The following TMEM68 variants were observed in gnomAD, a reference collection of about 807,000 sequenced individuals.
TMEM68 encodes transmembrane protein 68.
Under a neutral mutation model 36.9 loss-of-function variants are expected in TMEM68, and 25 were observed. That is an observed-to-expected ratio of 0.68 (90% CI 0.49 to 0.95). TMEM68 has a LOEUF of 0.95. TMEM68 is among the 40% of genes least tolerant of loss of function. The probability of loss-of-function intolerance (pLI) is 0.00; values close to 1 mark genes in which losing one functional copy is unlikely to be tolerated. For synonymous variants in TMEM68, 131 were observed against 124.4 expected (o/e 1.05, Z -0.35); for missense variants, 333 against 392.0 (o/e 0.85, Z 1.27).
intron 5 of TMEM68, chr8:55,746,940 T>C (rs1294192144): frequency 6.6e-6 from 1 of 152,142 alleles, no homozygotes; most frequent in East Asian, 1.9e-4. Context: ...AAACAAACAG[T>C]GAGTAAACAG....
Position 55,762,972 on chromosome 8 carries a change from G to T in TMEM68, c.-13C>A. 1 of 1,563,682 alleles carries T rather than the reference G, an allele frequency of 6.4e-7. No individual in the cohort carries two copies. The highest frequency in any genetic ancestry group is 1.2e-5 in the South Asian group (1 of 83,462). On this transcript the variant is annotated 5_prime_UTR_variant, in exon 3 of 8. Coordinates refer to ENST00000434581, the MANE Select transcript of TMEM68 (RefSeq NM_001286657.2). The stretch of plus-strand genomic sequence containing the variant: ...TTTTGTCTATCATTTTTCTTCAGGT[G>T]AAAATGACAAATTCAGTTTCTTTCT...
intron 5 of TMEM68, among the ~76,000 whole-genome samples, chr8:55,749,792 A>G (rs188587517): frequency 1.3e-5 from 2 of 152,322 alleles, no homozygotes; most frequent in Non-Finnish European, 2.9e-5. Flanking sequence ...TATCAAACTT[A>G]TAAGATTTCT....
intron 3 of TMEM68, chr8:55,761,007 A>T (rs1810773692): frequency 6.6e-6 from 1 of 152,220 alleles, no homozygotes; most frequent in Admixed American, 6.5e-5. Flanking sequence ...GGTTTTACAG[A>T]GTATTTTTTT....
At chr8:55,742,715 ATT>A (rs1439473433) in intron 7 of TMEM68, among the ~76,000 whole-genome samples, 1 of 151,622 alleles carries the variant, frequency 6.6e-6, no homozygotes, top group East Asian at 1.9e-4. Context: ...CATTCATCCC[ATT>A]TTCTAAGTGA....
Position 55,738,908 on chromosome 8 carries a change from A to G in TMEM68, c.*1224T>C, listed in dbSNP as rs933269796. The G allele has an allele frequency of 2.0e-5, 3 of 152,630 alleles. No individual in the cohort carries two copies. Among genetic ancestry groups the G allele is most frequent in the Admixed American group, 6.5e-5 (1 of 15,276 alleles). The allele number at this position is 152,630 out of a possible 1,614,324, so 9.5% of individuals were successfully genotyped here. A position where few individuals can be genotyped will look rare whatever the true frequency, so the allele number is the denominator to read the frequency against. Reference sequence around the variant, plus strand: ...TTTCTGACACTTTTCTGTTTAAATAATACTTAAATTCAGTTTTCAAGAAGA... The same window carrying G: ...TTTCTGACACTTTTCTGTTTAAATAGTACTTAAATTCAGTTTTCAAGAAGA... On this transcript the variant is annotated 3_prime_UTR_variant, in exon 8 of 8. Transcript: ENST00000434581.
chr8:55,752,063 G>T (rs1810439500), intron 4 of TMEM68, among the ~76,000 whole-genome samples: 1 of 152,064 alleles, frequency 6.6e-6, no homozygotes, highest in Non-Finnish European at 1.5e-5. Flanking sequence ...ACAAAAATCA[G>T]CCTGGCATGG....
chr8:55,756,436 A>T, intron 3 of TMEM68, 25 bp from the exon 4 acceptor site: 1 of 1,537,832 alleles, frequency 6.5e-7, no homozygotes, highest in Non-Finnish European at 8.7e-7. Flanking sequence ...AAATGCAAAT[A>T]CTTAAAATAT....
In TMEM68 at chr8:55,751,076, A is replaced by C; in HGVS notation, c.575T>G (p.Leu192Trp). 2 of 1,614,126 alleles carry C rather than the reference A, an allele frequency of 1.2e-6. No individual in the cohort carries two copies. The highest frequency in any genetic ancestry group is 1.7e-6 in the Non-Finnish European group (2 of 1,180,008). ...AACTCCACCTGGTGAGATAGCTAAC[A>C]AGTGGCCACTCCTCAGAATTTCAAC... ...KCVEILRSGH[L>W]LAISPGGVRE... Residue 192 changes from leucine to tryptophan, a missense_variant, in exon 5 of 8, where the codon TTG (leucine) becomes TGG (tryptophan). By Grantham distance (61) the Leu-to-Trp change is moderately conservative (BLOSUM62 -2). Transcript: ENST00000434581.
At chr8:55,741,147 G>A (rs1262419312) in intron 7 of TMEM68, among the ~76,000 whole-genome samples, 14 of 152,052 alleles carry the variant, frequency 9.2e-5, no homozygotes, top group African/African-American at 1.2e-4. Context: ...CAGGAGAATC[G>A]CTTGAACACA....
At chr8:55,758,577 T>C (rs1229279985) in intron 3 of TMEM68, among the ~76,000 whole-genome samples, 1 of 152,176 alleles carries the variant, frequency 6.6e-6, no homozygotes, top group Non-Finnish European at 1.5e-5. Context: ...GAGACTGAGA[T>C]GGTAGGACTT....
intron 1 of TMEM68, chr8:55,772,967 G>T (rs573410067): frequency 6.6e-6 from 1 of 152,444 alleles, no homozygotes; most frequent in Admixed American, 6.5e-5. Context: ...AGGATGAAAC[G>T]CGCCGAACCG....
intron 1 of TMEM68, among the ~76,000 whole-genome samples, chr8:55,767,923 C>A (rs138820553): frequency 8.6e-5 from 13 of 151,624 alleles, no homozygotes; most frequent in Admixed American, 6.6e-4. Flanking sequence ...GCAACAACAG[C>A]GAAACTCAGT....
intron 6 of TMEM68, among the ~76,000 whole-genome samples, 199 bp from the exon 7 acceptor site, chr8:55,743,819 T>C (rs566999286): frequency 6.6e-6 from 1 of 152,256 alleles, no homozygotes; most frequent in African/African-American, 2.4e-5. Context: ...ATATTAATAA[T>C]AGGAGAAACT....
intron 5 of TMEM68, among the ~76,000 whole-genome samples, chr8:55,748,273 C>T (rs1304262107): frequency 2.0e-5 from 3 of 152,120 alleles, no homozygotes; most frequent in South Asian, 4.1e-4. Flanking sequence ...TTTTAAGCAA[C>T]TCTCCTGCCT....
In TMEM68 at chr8:55,756,272, T is replaced by C; in HGVS notation, c.465A>G (p.Val155=). ...GAATTTTAAAGACAAAGTGATCAGC[T>C]ACTACTCGGCAAGTTCTGCCTTTGT... The part of the protein sequence containing the change: ...FIHKGRTCRV[V]ADHFVFKIPG... The change falls in exon 4 of 8, where the codon GTA becomes GTG. Residue 155 remains valine (V), a synonymous_variant. Coordinates refer to ENST00000434581, the MANE Select transcript of TMEM68 (RefSeq NM_001286657.2). 1.2e-6 allele frequency: 2 copies of C among 1,603,326 alleles called. No individual in the cohort carries two copies. Among genetic ancestry groups the C allele is most frequent in the Non-Finnish European group, 1.7e-6 (2 of 1,177,446 alleles).
chr8:55,754,926 T>C (rs1563432575), intron 4 of TMEM68, among the ~76,000 whole-genome samples: 1 of 44,804 alleles, frequency 2.2e-5, no homozygotes, highest in Non-Finnish European at 4.0e-5. Flanking sequence ...TATATTTATA[T>C]ATATTTATAT....
chr8:55,754,464 TATAC>T (rs771560856), intron 4 of TMEM68, among the ~76,000 whole-genome samples: 2,175 of 115,680 alleles, frequency 0.019, 22 homozygotes, highest in South Asian at 0.03. Flanking sequence ...TATATATATA[TATAC>T]ACACACACAC....
chr8:55,760,844 T>C (rs1046678200), intron 3 of TMEM68: 13 of 152,192 alleles, frequency 8.5e-5, no homozygotes, highest in African/African-American at 3.1e-4. Context: ...TTCTTTCCAA[T>C]TACATAATTC....
intron 4 of TMEM68, among the ~76,000 whole-genome samples, chr8:55,755,463 G>T (rs1041753164): frequency 2.0e-5 from 3 of 151,692 alleles, no homozygotes; most frequent in African/African-American, 7.3e-5. Context: ...GTAGAGACGG[G>T]GTTTCACCAT....
Sources: allele counts gnomAD v4.1 joint callset (sites outside exome capture counted in the v4.1 genomes callset), GRCh38; gene constraint gnomAD v4.1.1; transcripts MANE v1.5; gene names NCBI Gene and HGNC (gene_info 2026-07-23, HGNC 2026-07-21).